Variants in SGK3 observed in about 807,000 individuals in gnomAD.
SGK3 encodes the protein serine/threonine-protein kinase Sgk3.
A neutral mutation model predicts 68.5 loss-of-function variants in SGK3; 47 were observed. The ratio of observed to expected loss-of-function variants is 0.69; its 90% CI spans 0.54 to 0.87. The LOEUF is 0.87. Ranked by LOEUF, SGK3 falls within the 40% of genes least tolerant of loss-of-function variation. SGK3 has a pLI of 0.00. For synonymous variants in SGK3, 181 were observed against 189.1 expected, an observed-to-expected ratio of 0.96 and a Z score of 0.35; for missense variants, 479 against 575.5, an observed-to-expected ratio of 0.83 and a Z score of 1.72.
chr8:66,718,449 A>ATGTGTG (rs34252246), intron 1 of SGK3, among the ~76,000 whole-genome samples: 7 of 147,162 alleles, frequency 4.8e-5, no homozygotes, highest in Admixed American at 6.8e-5. Context: ...TATATATATT[A>ATGTGTG]TGTGTGTGTG....
At chr8:66,791,100 G>C (rs371130804) in intron 1 of SGK3, among the ~76,000 whole-genome samples, 18 of 152,328 alleles carry the variant, frequency 1.2e-4, no homozygotes, top group Middle Eastern at 3.4e-3. Context: ...TCAGGAAGCT[G>C]TTATTATTCC....
intron 16 of SGK3, among the ~76,000 whole-genome samples, chr8:66,852,670 T>C (rs1232681577): frequency 6.6e-6 from 1 of 152,190 alleles, no homozygotes; most frequent in Non-Finnish European, 1.5e-5. Context: ...TTAATTTCTA[T>C]ACATAGCTCA....
rs144680581 is a variant in SGK3, at chr8:66,805,885, C to G, written c.253+1438C>G. ...TTGGTCACTACTCAAGATAAAAGCT[C>G]TAAGGTCCCTTATATTGAGTGTGCT... On this transcript the variant is annotated intron_variant, in intron 4 of 16. Transcript: ENST00000521198. Among the ~76,000 whole-genome samples the G allele has an allele frequency of 2.0e-3, 300 of 152,290 alleles. 4 individuals carry two copies. The highest frequency in any genetic ancestry group is 2.7e-3 in the Non-Finnish European group (184 of 68,008).
intron 3 of SGK3, among the ~76,000 whole-genome samples, chr8:66,802,600 A>T (rs1053665057): frequency 2.6e-5 from 4 of 151,388 alleles, no homozygotes; most frequent in Admixed American, 6.6e-5. Flanking sequence ...TGAGGGGAGG[A>T]TCACTTGAGC....
chr8:66,751,984 C>G (rs1273742517), intron 1 of SGK3, among the ~76,000 whole-genome samples: 1 of 152,012 alleles, frequency 6.6e-6, no homozygotes, highest in African/African-American at 2.4e-5. Flanking sequence ...AGGCTGGTCT[C>G]GAACTCTCGA....
At chr8:66,767,972 C>G in intron 1 of SGK3, 1 of 854,642 alleles carries the variant, frequency 1.2e-6, no homozygotes, top group Non-Finnish European at 2.0e-6. Flanking sequence ...CCTGGTTCTT[C>G]GTTTTCCTTA....
At chr8:66,746,223 C>T (rs189527856) in intron 1 of SGK3, among the ~76,000 whole-genome samples, 306 of 152,324 alleles carry the variant, frequency 2.0e-3, no homozygotes, top group African/African-American at 6.9e-3. Flanking sequence ...TTTCGCCCTC[C>T]AACCTCTGCC....
At chr8:66,730,138 C>T (rs1805105006) in intron 1 of SGK3, among the ~76,000 whole-genome samples, 1 of 152,068 alleles carries the variant, frequency 6.6e-6, no homozygotes, top group Non-Finnish European at 1.5e-5. Context: ...TTCTTTCTTT[C>T]TATTTTAGCC....
intron 14 of SGK3, 115 bp from the exon 15 acceptor site, chr8:66,847,078 C>A: frequency 6.9e-7 from 1 of 1,444,036 alleles, no homozygotes; most frequent in Non-Finnish European, 9.3e-7. Context: ...CTACACGTCC[C>A]AAGAGGTCCA....
At chr8:66,755,241 A>C (rs1172661551) in intron 1 of SGK3, among the ~76,000 whole-genome samples, 2 of 148,884 alleles carry the variant, frequency 1.3e-5, no homozygotes, top group African/African-American at 5.0e-5. Flanking sequence ...TCCGGGGGAC[A>C]GAGTGAGACT....
At chr8:66,853,851 G>C (rs1161183421) in intron 16 of SGK3, among the ~76,000 whole-genome samples, 14 of 151,934 alleles carry the variant, frequency 9.2e-5, no homozygotes. Context: ...ACCATGAATG[G>C]GTACATTATT....
intron 1 of SGK3, among the ~76,000 whole-genome samples, chr8:66,768,380 T>C (rs1806394460): frequency 6.6e-6 from 1 of 152,124 alleles, no homozygotes; most frequent in Admixed American, 6.6e-5. Context: ...TCCTTGAATG[T>C]TTCTTGTTGT....
intron 1 of SGK3, among the ~76,000 whole-genome samples, chr8:66,741,025 G>A (rs1379569196): frequency 6.6e-6 from 1 of 151,298 alleles, no homozygotes; most frequent in Non-Finnish European, 1.5e-5. Context: ...TTAATTGCAT[G>A]CCTACCTTTC....
At position 66,770,402 on chromosome 8, in the gene SGK3, A is replaced by G. The variant is rs1018153392; in HGVS notation, c.-121-23214A>G. On this transcript the variant is annotated intron_variant, in intron 1 of 16. Transcript: ENST00000521198. ...TGCTGGATATTTTTCTATTCTTACA[A>G]TTATGCCTGGATTTTGATTTGAGAT... Among the ~76,000 whole-genome samples the G allele has an allele frequency of 5.3e-5, 8 of 152,272 alleles. No individual in the cohort carries two copies. In the East Asian group the frequency reaches 5.8e-4, roughly 11 times the overall value.
chr8:66,846,084 G>T (rs972116351), intron 14 of SGK3, among the ~76,000 whole-genome samples: 9 of 150,824 alleles, frequency 6.0e-5, no homozygotes, highest in Non-Finnish European at 1.0e-4. Flanking sequence ...AATAAATTGG[G>T]TTTTTTTTTG....
intron 16 of SGK3, among the ~76,000 whole-genome samples, chr8:66,856,978 A>G (rs1454026596): frequency 6.6e-6 from 1 of 152,110 alleles, no homozygotes; most frequent in Non-Finnish European, 1.5e-5. Context: ...CTGTAGTCCC[A>G]GCTACTCAGA....
In SGK3 at chr8:66,744,521, T is replaced by TG. The variant is rs1563605741; in HGVS notation, c.-122+31688_-122+31689insG. 7.3e-4 allele frequency among the ~76,000 whole-genome samples: 42 copies of TG among 57,836 alleles called. 1 individual carries two copies. Among genetic ancestry groups the TG allele is most frequent in the African/African-American group, 4.0e-3 (39 of 9,870 alleles). 37.9% of individuals were successfully genotyped at this position (57,836 alleles called of 152,430 possible). ...TATATATATATATATATATATATAT[T>TG]TTTTTTTTTTTTTTTTTTTTTTTTA... is the stretch of plus-strand genomic sequence containing the variant. On this transcript the variant is annotated intron_variant, in intron 1 of 16. Coordinates refer to ENST00000521198, the MANE Select transcript of SGK3 (RefSeq NM_001033578.3).
chr8:66,778,385 C>T lies in SGK3; in HGVS notation c.-121-15231C>T, dbSNP rs147752343. ...GATCTCGGCACTTGGCAAGCTCCGC[C>T]TCCCGGGTTCACGCCATTCTCCTGC... On this transcript the variant is annotated intron_variant, in intron 1 of 16. Transcript: ENST00000521198. 2.1e-4 allele frequency among the ~76,000 whole-genome samples: 32 copies of T among 152,332 alleles called. No homozygotes were observed. The East Asian group carries it at 6.2e-3, about 29-fold the overall frequency.
intron 1 of SGK3, among the ~76,000 whole-genome samples, chr8:66,735,369 A>G (rs553876311): frequency 2.6e-5 from 4 of 152,248 alleles, no homozygotes; most frequent in Admixed American, 6.5e-5. Context: ...TATCAGGCGT[A>G]TAGCTCTCTT....
Sources: gnomAD v4.1 joint callset for allele counts (sites outside exome capture counted in the v4.1 genomes callset) on GRCh38, gnomAD v4.1.1 for gene constraint, MANE v1.5 for transcripts, NCBI Gene and HGNC (gene_info 2026-07-23, HGNC 2026-07-21) for gene names.